DENND2A: variants seen among roughly 807,000 people sequenced by gnomAD.
DENND2A encodes the protein DENN domain containing 2A, also known as DENN domain-containing protein 2A.
A neutral mutation model predicts 105.3 loss-of-function variants in DENND2A; 53 were observed. The observed-to-expected ratio is 0.50, with a 90% CI of 0.40 to 0.63. The LOEUF is 0.63. Among genes scored for constraint, DENND2A ranks in the 30% least tolerant of loss-of-function variants. DENND2A has a pLI of 0.00. For missense variants in DENND2A, 1,138 were observed against 1,279.6 expected (o/e 0.89, Z 1.69); for synonymous variants, 522 against 508.4 (o/e 1.03, Z -0.36).
chr7:140,613,151 C>G (rs1262239273), intron 1 of DENND2A, among the ~76,000 whole-genome samples: 4 of 151,698 alleles, frequency 2.6e-5, no homozygotes, highest in Non-Finnish European at 5.9e-5. Context: ...TACAGTGATG[C>G]AAGCGTGTAG....
intron 3 of DENND2A, among the ~76,000 whole-genome samples, chr7:140,592,479 G>A (rs2130663948): frequency 6.6e-6 from 1 of 152,220 alleles, no homozygotes; most frequent in African/African-American, 2.4e-5. Context: ...CCAAAGTGCT[G>A]GGATTACAGG....
intron 11 of DENND2A, among the ~76,000 whole-genome samples, chr7:140,556,753 A>G (rs950339667): frequency 2.0e-5 from 3 of 152,198 alleles, no homozygotes; most frequent in Admixed American, 2.0e-4. Flanking sequence ...ATGTTTCTTG[A>G]ACACCTACTA....
chr7:140,523,212 C>T lies in DENND2A; in HGVS notation c.2665+95G>A. On this transcript the variant is annotated intron_variant, in intron 17 of 19. Coordinates refer to ENST00000496613, the MANE Select transcript of DENND2A (RefSeq NM_015689.5). This position sits in a 1 kb window ranked among gnomAD's most constrained non-coding sequence, Gnocchi z 4.5. Reference sequence around the variant, plus strand: ...GGTTTCTCTCCTTATGTCTCCCTTGCCCATATTCCTACTTGGCCCTTGGCC... The same window carrying T: ...GGTTTCTCTCCTTATGTCTCCCTTGTCCATATTCCTACTTGGCCCTTGGCC... 9.0e-7 allele frequency: 1 copy of T among 1,106,744 alleles called. No individual in the cohort carries two copies. Among genetic ancestry groups the T allele is most frequent in the Non-Finnish European group, 1.4e-6 (1 of 724,450 alleles). The allele number at this position is 1,106,744 out of a possible 1,614,324, so 68.6% of individuals were successfully genotyped here.
At chr7:140,541,592 A>G (rs1156661190) in intron 14 of DENND2A, among the ~76,000 whole-genome samples, 1 of 152,204 alleles carries the variant, frequency 6.6e-6, no homozygotes, top group African/African-American at 2.4e-5. Context: ...GTGCTGATGA[A>G]ATCCGATCCT....
intron 1 of DENND2A, among the ~76,000 whole-genome samples, chr7:140,624,678 T>C (rs1800440434): frequency 6.6e-6 from 1 of 151,774 alleles, no homozygotes; most frequent in Non-Finnish European, 1.5e-5. Flanking sequence ...AGTTACACGT[T>C]CCATGTTCTT....
chr7:140,598,738 C>T (rs923798583), intron 3 of DENND2A, among the ~76,000 whole-genome samples: 1 of 152,008 alleles, frequency 6.6e-6, no homozygotes, highest in Non-Finnish European at 1.5e-5. Context: ...GTAGCAAATA[C>T]ATAGCATGTC....
chr7:140,552,367 C>T (rs1054449529), intron 12 of DENND2A, among the ~76,000 whole-genome samples: 2 of 151,440 alleles, frequency 1.3e-5, no homozygotes, highest in African/African-American at 2.4e-5. Context: ...CTCCCTCCCT[C>T]TCCCTCTCCT....
intron 1 of DENND2A, among the ~76,000 whole-genome samples, chr7:140,630,353 C>G (rs1428735489): frequency 6.6e-6 from 1 of 152,124 alleles, no homozygotes; most frequent in African/African-American, 2.4e-5. Context: ...CTGGACCTTC[C>G]AACTAGACAG....
intron 1 of DENND2A, among the ~76,000 whole-genome samples, chr7:140,622,276 A>G (rs1800322284): frequency 6.6e-6 from 1 of 152,050 alleles, no homozygotes; most frequent in African/African-American, 2.4e-5. Context: ...CATGCCTGTA[A>G]TCTCAGCTAC....
intron 12 of DENND2A, among the ~76,000 whole-genome samples, chr7:140,549,879 C>T (rs1333093860): frequency 6.6e-6 from 1 of 152,038 alleles, no homozygotes; most frequent in Non-Finnish European, 1.5e-5. Context: ...GATAAATAAT[C>T]AATCAATGGA....
rs144634732 is a variant in DENND2A at position 140,611,646 on chromosome 7, G to A, written c.-247-5840C>T. Among the ~76,000 whole-genome samples, 53 of 152,294 alleles carry A rather than the reference G, an allele frequency of 3.5e-4. 3 individuals are homozygous for A. In the East Asian group the frequency reaches 5.0e-3, roughly 14 times the overall value. ...ATGGAATTCAGTCACATAAAGGAAT[G>A]AAGCACTGTTACATGCTACAACATT... On this transcript the variant is annotated intron_variant, in intron 1 of 19. Coordinates refer to ENST00000496613, the MANE Select transcript of DENND2A (RefSeq NM_015689.5).
intron 1 of DENND2A, among the ~76,000 whole-genome samples, chr7:140,610,964 G>A (rs1057511013): frequency 1.3e-5 from 2 of 152,240 alleles, no homozygotes; most frequent in African/African-American, 4.8e-5. Context: ...CAGCCTTAAG[G>A]GCTAGGAGCC....
In DENND2A at chr7:140,524,546, G is replaced by A. The variant is rs569973083; in HGVS notation, c.2548-1122C>T. 3.7e-4 allele frequency among the ~76,000 whole-genome samples: 57 copies of A among 152,020 alleles called. 1 individual carries two copies. The highest frequency in any genetic ancestry group is 1.2e-3 in the African/African-American group (49 of 41,488). On this transcript the variant is annotated intron_variant, in intron 16 of 19. Coordinates refer to ENST00000496613, the MANE Select transcript of DENND2A (RefSeq NM_015689.5). Reference sequence around the variant, plus strand: ...TGCGTGCGCGCACACACGCACACACGTATATACATATTTTTTTTCCTGTCT... The same window carrying A: ...TGCGTGCGCGCACACACGCACACACATATATACATATTTTTTTTCCTGTCT...
At chr7:140,543,253 G>A (rs1445397916) in intron 14 of DENND2A, among the ~76,000 whole-genome samples, 1 of 151,044 alleles carries the variant, frequency 6.6e-6, no homozygotes, top group East Asian at 1.9e-4. Flanking sequence ...CTAGTAGCAG[G>A]GACTGTAGGC....
At chr7:140,632,806 C>T (rs1010246193) in intron 1 of DENND2A, among the ~76,000 whole-genome samples, 1 of 150,860 alleles carries the variant, frequency 6.6e-6, no homozygotes, top group South Asian at 2.1e-4. Context: ...TCAGGTGATC[C>T]GGCCCACCTC....
chr7:140,568,308 C>G (rs1353356497), intron 8 of DENND2A, among the ~76,000 whole-genome samples: 1 of 152,180 alleles, frequency 6.6e-6, no homozygotes, highest in Non-Finnish European at 1.5e-5. Flanking sequence ...AAAGCCTTGG[C>G]CTAGACTATT....
intron 1 of DENND2A, among the ~76,000 whole-genome samples, chr7:140,629,486 C>T (rs549069178): frequency 1.3e-5 from 2 of 152,088 alleles, no homozygotes; most frequent in South Asian, 2.1e-4. Flanking sequence ...CCAGGACTCA[C>T]GTGGGAGCCA....
chr7:140,593,898 T>A (rs113149894), intron 3 of DENND2A, among the ~76,000 whole-genome samples: 2 of 150,996 alleles, frequency 1.3e-5, no homozygotes, highest in East Asian at 3.9e-4. Context: ...AACAAGCAAA[T>A]CTTTTTTTTT....
intron 9 of DENND2A, among the ~76,000 whole-genome samples, chr7:140,562,695 A>C (rs80018764): frequency 2.0e-5 from 3 of 151,858 alleles, no homozygotes; most frequent in Non-Finnish European, 4.4e-5. Flanking sequence ...CAACAAAAAA[A>C]CCCGCTTCCA....
Sources: gnomAD v4.1 joint callset for allele counts (sites outside exome capture counted in the v4.1 genomes callset) on GRCh38, gnomAD v4.1.1 for gene constraint, Gnocchi (gnomAD v3.1) non-coding constraint, MANE v1.5 for transcripts, NCBI Gene and HGNC (gene_info 2026-07-23, HGNC 2026-07-21) for gene names.